BABAM2: variants seen among roughly 807,000 people sequenced by gnomAD.
BABAM2 encodes the protein BRISC and BRCA1-A complex member 2.
Under a neutral mutation model 54.7 loss-of-function variants are expected in BABAM2, and 31 were observed. The ratio of observed to expected loss-of-function variants is 0.57; its 90% CI spans 0.43 to 0.77. The LOEUF is 0.77. BABAM2 is among the 30% of genes least tolerant of loss of function. The pLI is 0.00. For missense variants in BABAM2, 364 were observed against 455.8 expected, an observed-to-expected ratio of 0.80 and a Z score of 1.83; for synonymous variants, 167 against 162.9, an observed-to-expected ratio of 1.03 and a Z score of -0.19.
In BABAM2 at chr2:28,045,785, A is replaced by C; in HGVS notation, c.556A>C (p.Thr186Pro). Residue 186 changes from threonine to proline, a missense_variant, in exon 6 of 12, where the codon ACA becomes CCA. By Grantham distance (38) the Thr-to-Pro change is conservative. Transcript: ENST00000379624. ...GCCCGTAGATTTCAGCAATATCCCC[A>C]CATACCTTCTCAAGGTAAAAATATA... is the stretch of plus-strand genomic sequence containing the variant. ...KLPVDFSNIP[T>P]YLLKDVNEDP... The C allele has an allele frequency of 1.2e-6, 2 of 1,608,556 alleles. No homozygotes were observed. Among genetic ancestry groups the C allele is most frequent in the Non-Finnish European group, 1.7e-6 (2 of 1,176,452 alleles).
chr2:27,946,702 G>GGAGAGAGAGAGAGAGC (rs1669322033), intron 3 of BABAM2, among the ~76,000 whole-genome samples: 1 of 150,932 alleles, frequency 6.6e-6, no homozygotes, highest in Non-Finnish European at 1.5e-5. Context: ...GGAGAAGAGA[G>GGAGAGAGAGAGAGAGC]GAGAGAGAGA....
chr2:27,963,268 G>A (rs2148434088), intron 3 of BABAM2, among the ~76,000 whole-genome samples: 1 of 152,160 alleles, frequency 6.6e-6, no homozygotes, highest in East Asian at 1.9e-4. Flanking sequence ...TCAGGAGTTC[G>A]AGACCAGCCT....
At chr2:28,020,760 T>G (rs1192132028) in intron 4 of BABAM2, among the ~76,000 whole-genome samples, 1 of 152,112 alleles carries the variant, frequency 6.6e-6, no homozygotes, top group Non-Finnish European at 1.5e-5. Context: ...ACTTTAACAG[T>G]TTTTAAAACA....
chr2:28,045,320 T>C (rs1336927616), intron 5 of BABAM2, among the ~76,000 whole-genome samples: 1 of 152,184 alleles, frequency 6.6e-6, no homozygotes, highest in African/African-American at 2.4e-5. Context: ...AGCCTTGTGG[T>C]TTATAAATAT....
At chr2:27,931,491 A>G (rs1162153457) in intron 3 of BABAM2, among the ~76,000 whole-genome samples, 2 of 152,178 alleles carry the variant, frequency 1.3e-5, no homozygotes, top group South Asian at 2.1e-4. Flanking sequence ...CTGCGCTGAT[A>G]CATGAAGCAT....
Position 28,116,854 on chromosome 2 carries a change from T to C in BABAM2, c.571-12417T>C, listed in dbSNP as rs906616828. 2.0e-5 allele frequency among the ~76,000 whole-genome samples: 3 copies of C among 152,138 alleles called. No individual in the cohort carries two copies. In the South Asian group the frequency reaches 6.2e-4, roughly 32 times the overall value. On this transcript the variant is annotated intron_variant, in intron 6 of 11. Transcript: ENST00000379624. ...AAATACCCACATTTAGCATGTCATA[T>C]GGAAAAAAAATGAAAGCATGTGATC...
chr2:28,288,285 G>A (rs187392171), intron 10 of BABAM2, among the ~76,000 whole-genome samples: 99 of 151,514 alleles, frequency 6.5e-4, no homozygotes, highest in Non-Finnish European at 1.2e-3. Flanking sequence ...CAGGAGAGTA[G>A]TGGGAAACAT....
At chr2:28,191,448 A>G (rs190565660) in intron 7 of BABAM2, among the ~76,000 whole-genome samples, 1 of 152,348 alleles carries the variant, frequency 6.6e-6, no homozygotes, top group Admixed American at 6.5e-5. Flanking sequence ...ATGAGTGTTC[A>G]TAACAGCTTT....
intron 6 of BABAM2, among the ~76,000 whole-genome samples, chr2:28,086,695 G>T (rs1665671600): frequency 6.6e-6 from 1 of 152,144 alleles, no homozygotes; most frequent in Non-Finnish European, 1.5e-5. Context: ...AAATAACAAT[G>T]TAAGAACTTA....
intron 6 of BABAM2, among the ~76,000 whole-genome samples, chr2:28,102,037 C>T (rs1442917847): frequency 6.6e-6 from 1 of 152,120 alleles, no homozygotes; most frequent in African/African-American, 2.4e-5. Flanking sequence ...CAAGATAACT[C>T]CTATAGTGTT....
chr2:27,924,747 A>G (rs1238206621), intron 2 of BABAM2, among the ~76,000 whole-genome samples: 3 of 152,156 alleles, frequency 2.0e-5, no homozygotes, highest in Non-Finnish European at 2.9e-5. Context: ...TTGAATTTTC[A>G]CAGTAAATTA....
At chr2:28,295,140 A>G (rs993656223) in intron 10 of BABAM2, among the ~76,000 whole-genome samples, 1 of 152,230 alleles carries the variant, frequency 6.6e-6, no homozygotes, top group Admixed American at 6.5e-5. Context: ...AATAGGTGGG[A>G]AAAAATCATT....
rs1047227778 is a variant in BABAM2, at chr2:28,284,243, C to T, written c.935-14095C>T. 3.3e-5 allele frequency among the ~76,000 whole-genome samples: 5 copies of T among 152,068 alleles called. 1 individual carries two copies. The highest frequency in any genetic ancestry group is 1.9e-4 in the East Asian group (1 of 5,192). ...AAAGAGGAACATTAATTTCCATTCC[C>T]CTGCTGCCTGTCCCACCCATGCTCA... On this transcript the variant is annotated intron_variant, in intron 10 of 11. Coordinates refer to ENST00000379624, the MANE Select transcript of BABAM2 (RefSeq NM_199191.3).
intron 6 of BABAM2, among the ~76,000 whole-genome samples, chr2:28,112,083 CTCTTTCTTTCTTTCTT>C (rs1194065542): frequency 4.0e-5 from 4 of 98,774 alleles, no homozygotes; most frequent in African/African-American, 1.4e-4. Context: ...ATACCCATTA[CTCTTTCTTTCTTTCTT>C]TCTTTCTTTC....
At chr2:28,134,624 C>CT (rs1490592129) in intron 7 of BABAM2, 2 of 152,352 alleles carry the variant, frequency 1.3e-5, no homozygotes, top group East Asian at 3.9e-4. Flanking sequence ...GTTTTTAGAA[C>CT]TTTTTGTTAA....
In BABAM2 at chr2:28,250,584, C is replaced by CTTTT. The variant is rs34597279; in HGVS notation, c.934+5729_934+5732dup. On this transcript the variant is annotated intron_variant, in intron 10 of 11. Coordinates refer to ENST00000379624, the MANE Select transcript of BABAM2 (RefSeq NM_199191.3). ...TATAAACAATCATATATATTTTTTTCTTTTTTTTTTGTTTGTTTGTTTGTT... is the reference window on the plus strand; with the variant it reads ...TATAAACAATCATATATATTTTTTTCTTTTTTTTTTTTTTGTTTGTTTGTTTGTT... Among the ~76,000 whole-genome samples the CTTTT allele has an allele frequency of 1.4e-3, 194 of 136,992 alleles. 1 individual carries two copies. Among genetic ancestry groups the CTTTT allele is most frequent in the African/African-American group, 4.9e-3 (183 of 37,596 alleles). 89.9% of individuals were successfully genotyped at this position (136,992 alleles called of 152,430 possible).
At chr2:27,948,268 T>C (rs1446174763) in intron 3 of BABAM2, among the ~76,000 whole-genome samples, 1 of 152,138 alleles carries the variant, frequency 6.6e-6, no homozygotes, top group African/African-American at 2.4e-5. Context: ...AGAGATACAG[T>C]TGATTTTTTT....
intron 5 of BABAM2, among the ~76,000 whole-genome samples, chr2:28,033,383 T>G (rs904060633): frequency 3.9e-5 from 6 of 152,120 alleles, no homozygotes; most frequent in African/African-American, 1.4e-4. Context: ...AATTTATTCC[T>G]TACAGTTATA....
At chr2:27,942,750 G>A (rs953743636) in intron 3 of BABAM2, among the ~76,000 whole-genome samples, 1 of 151,670 alleles carries the variant, frequency 6.6e-6, no homozygotes, top group African/African-American at 2.4e-5. Flanking sequence ...ATTGTTGGCA[G>A]GGCACCTGAT....
Sources: allele counts gnomAD v4.1 joint callset (sites outside exome capture counted in the v4.1 genomes callset), GRCh38; gene constraint gnomAD v4.1.1; transcripts MANE v1.5; gene names NCBI Gene and HGNC (gene_info 2026-07-23, HGNC 2026-07-21).